BSDC1: variants seen among roughly 807,000 people sequenced by gnomAD.
The protein encoded by BSDC1 is BSD domain containing 1.
In BSDC1, 29 loss-of-function variants were observed where a neutral mutation model predicts 56.0. That is an observed-to-expected ratio of 0.52 (90% CI 0.39 to 0.71). The LOEUF (loss-of-function observed/expected upper bound fraction) is 0.71. BSDC1 is among the 30% of genes least tolerant of loss of function. BSDC1 has a pLI of 0.00. For missense variants in BSDC1, 477 were observed against 548.5 expected, an observed-to-expected ratio of 0.87 and a Z score of 1.30; for synonymous variants, 210 against 215.3, an observed-to-expected ratio of 0.98 and a Z score of 0.21.
Position 32,394,429 on chromosome 1 carries a change from A to G in BSDC1, c.-15T>C. 1.9e-6 allele frequency: 3 copies of G among 1,614,052 alleles called. No individual in the cohort carries two copies. The highest frequency in any genetic ancestry group is 2.2e-5 in the East Asian group (1 of 44,864). On this transcript the variant is annotated 5_prime_UTR_variant, in exon 1 of 11. It removes an upstream start codon present in the reference 5' UTR. Transcript: ENST00000455895. ...CCTTCCGCCATCTTGCCTGCATGACATCACCACTATTTACTGACCTTTGAC... is the reference window on the plus strand; with the variant it reads ...CCTTCCGCCATCTTGCCTGCATGACGTCACCACTATTTACTGACCTTTGAC...
chr1:32,373,447 A>G (rs1301670443), intron 9 of BSDC1, among the ~76,000 whole-genome samples: 3 of 152,130 alleles, frequency 2.0e-5, no homozygotes, highest in South Asian at 4.1e-4. Flanking sequence ...CTGTTTCACT[A>G]TCCCTCATTC....
Position 32,381,251 on chromosome 1 carries a change from C to A in BSDC1, c.375G>T (p.Leu125=). The change falls in exon 5 of 11, where the codon CTG becomes CTT. Residue 125 remains leucine, a synonymous_variant. Transcript: ENST00000455895. ...TACAGTAGGTTGCTGGGTCCGACTG[C>A]AGGCTATAGAGGCGAGCCTGTAAGA... ...YDGTKARLYS[L]QSDPATYCNE... The A allele has an allele frequency of 1.9e-6, 3 of 1,613,676 alleles. No homozygotes were observed. In the South Asian group the frequency reaches 3.3e-5, roughly 18 times the overall value.
chr1:32,378,849 G>A lies in BSDC1; in HGVS notation c.413-10C>T, dbSNP rs888465774. On this transcript the variant is annotated splice_polypyrimidine_tract_variant and intron_variant, in intron 5 of 10. Coordinates refer to ENST00000455895, the MANE Select transcript of BSDC1 (RefSeq NM_018045.8). The surrounding 1 kb of genome is among the most constrained non-coding windows in gnomAD (Gnocchi z 5.2). ...AACAATTCCGGGGGCCCTGCAGAGG[G>A]ACAGATGCTGACGGTCAGTTGCCTT... The A allele has an allele frequency of 1.4e-6, 2 of 1,469,370 alleles. No homozygotes were observed. The highest frequency in any genetic ancestry group is 1.8e-6 in the Non-Finnish European group (2 of 1,104,854). The allele number at this position is 1,469,370 out of a possible 1,614,324, so 91.0% of individuals were successfully genotyped here. A position where few individuals can be genotyped will look rare whatever the true frequency, so the allele number is the denominator to read the frequency against.
At chr1:32,369,196 T>G in intron 9 of BSDC1, 2 of 1,182,194 alleles carry the variant, frequency 1.7e-6, no homozygotes, top group Non-Finnish European at 2.2e-6. Flanking sequence ...GGAGAAGAAC[T>G]TCACATCCAT....
At chr1:32,387,877 G>A (rs963039461) in intron 2 of BSDC1, among the ~76,000 whole-genome samples, 3 of 152,080 alleles carry the variant, frequency 2.0e-5, no homozygotes, top group African/African-American at 7.2e-5. Flanking sequence ...AGGAGGAAGC[G>A]GTCAAGAGAA....
chr1:32,370,868 C>T (rs1003238908), intron 9 of BSDC1, among the ~76,000 whole-genome samples: 3 of 148,070 alleles, frequency 2.0e-5, no homozygotes, highest in Admixed American at 6.8e-5. Context: ...TACATACTGT[C>T]TATGGCTGCT....
chr1:32,367,494 T>G (rs1641895122), intron 10 of BSDC1: 3 of 985,274 alleles, frequency 3.0e-6, no homozygotes, highest in South Asian at 9.4e-5. Context: ...TTCACATGTC[T>G]CTCTAATCTG....
intron 9 of BSDC1, among the ~76,000 whole-genome samples, chr1:32,375,347 TG>T (rs1355561548): frequency 6.7e-6 from 1 of 150,316 alleles, no homozygotes; most frequent in African/African-American, 2.5e-5. Flanking sequence ...CCTTACCTGC[TG>T]GGCAAGCTTT....
At chr1:32,375,905 T>A (rs1408373570) in intron 9 of BSDC1, among the ~76,000 whole-genome samples, 1 of 152,232 alleles carries the variant, frequency 6.6e-6, no homozygotes, top group Non-Finnish European at 1.5e-5. Flanking sequence ...CCTGGCCATG[T>A]GAACTTGGGC....
chr1:32,371,319 T>TA (rs1403089238), intron 9 of BSDC1, among the ~76,000 whole-genome samples: 1 of 147,426 alleles, frequency 6.8e-6, no homozygotes, highest in African/African-American at 2.5e-5. Flanking sequence ...TTTTTTTTTT[T>TA]TTTTTTTATT....
At position 32,364,835 on chromosome 1, in the gene BSDC1, G is replaced by A. The variant is rs141475366; in HGVS notation, c.*1787C>T. Among the ~76,000 whole-genome samples, 56 of 152,358 alleles carry A rather than the reference G, an allele frequency of 3.7e-4. No homozygotes were observed. Among genetic ancestry groups the A allele is most frequent in the South Asian group, 1.2e-3 (6 of 4,832 alleles). On this transcript the variant is annotated 3_prime_UTR_variant, in exon 11 of 11. Coordinates refer to ENST00000455895, the MANE Select transcript of BSDC1 (RefSeq NM_018045.8). ...ATAAAAATGACCAAGAGCAACTGAA[G>A]CCATTCTTGTTGCAACTTCCTTTCC...
At chr1:32,383,302 T>C (rs1306705626) in intron 4 of BSDC1, among the ~76,000 whole-genome samples, 1 of 151,708 alleles carries the variant, frequency 6.6e-6, no homozygotes, top group Non-Finnish European at 1.5e-5. Context: ...TTTAAATTAG[T>C]TGGGTGTGGT....
intron 9 of BSDC1, chr1:32,369,484 G>C (rs1641989047): frequency 3.0e-6 from 1 of 328,132 alleles, no homozygotes; most frequent in Non-Finnish European, 5.9e-6. Flanking sequence ...AGTCCAGCCT[G>C]TTGACAGTGC....
intron 5 of BSDC1, among the ~76,000 whole-genome samples, chr1:32,379,632 C>T (rs2148125864): frequency 6.6e-6 from 1 of 152,304 alleles, no homozygotes; most frequent in South Asian, 2.1e-4. Context: ...TGCTCTGTCA[C>T]CAGGCTGGAG....
At position 32,378,389 on chromosome 1, in the gene BSDC1, T is replaced by A; in HGVS notation, c.529-106A>T. On this transcript the variant is annotated intron_variant, in intron 6 of 10. Coordinates refer to ENST00000455895, the MANE Select transcript of BSDC1 (RefSeq NM_018045.8). The surrounding 1 kb of genome is among the most constrained non-coding windows in gnomAD (Gnocchi z 5.2). Reference sequence around the variant, plus strand: ...CAGCCAGTCTGGATTTCAGACCCAGTAAGTGGCTTAGCAGTGACAGTCAGA... The same window carrying A: ...CAGCCAGTCTGGATTTCAGACCCAGAAAGTGGCTTAGCAGTGACAGTCAGA... 1 of 1,126,936 alleles carries A rather than the reference T, an allele frequency of 8.9e-7. No individual in the cohort carries two copies. Among genetic ancestry groups the A allele is most frequent in the Non-Finnish European group, 1.3e-6 (1 of 757,678 alleles). 69.8% of individuals were successfully genotyped at this position (1,126,936 alleles called of 1,614,324 possible).
chr1:32,394,421 T>G lies in BSDC1; in HGVS notation c.-7A>C. 1 of 1,614,176 alleles carries G rather than the reference T, an allele frequency of 6.2e-7. No individual in the cohort carries two copies. The highest frequency in any genetic ancestry group is 8.5e-7 in the Non-Finnish European group (1 of 1,180,030). ...AAGCTCACCCTTCCGCCATCTTGCC[T>G]GCATGACATCACCACTATTTACTGA... On this transcript the variant is annotated 5_prime_UTR_variant, in exon 1 of 11. Transcript: ENST00000455895.
chr1:32,368,475 GC>G lies in BSDC1; in HGVS notation c.1231del (p.Ala411HisfsTer14). ...CCCGGAGGCATCCACTTTGGAAAGTGCCATCTGCACCTCCTCTTCAGTCATG... is the reference window on the plus strand; with the variant it reads ...CCCGGAGGCATCCACTTTGGAAAGTGCATCTGCACCTCCTCTTCAGTCATG... Reference protein sequence around the residue: ...LDMTEEEVQMALSKVDASGEL... With the variant: ...LDMTEEEVQMXLSKVDASGEL... On this transcript the variant is annotated frameshift_variant, in exon 10 of 11. Transcript: ENST00000455895. LOFTEE classifies it high-confidence loss of function. The G allele has an allele frequency of 6.2e-7, 1 of 1,614,136 alleles. No homozygotes were observed. Among genetic ancestry groups the G allele is most frequent in the Non-Finnish European group, 8.5e-7 (1 of 1,180,012 alleles).
At chr1:32,386,943 C>T (rs1642693591) in intron 2 of BSDC1, 48 bp from the exon 3 acceptor site, 1 of 1,459,926 alleles carries the variant, frequency 6.8e-7, no homozygotes, top group Non-Finnish European at 9.6e-7. Flanking sequence ...CCCCACCACC[C>T]CTTGTTCCTG....
chr1:32,391,748 G>A (rs1028868268), intron 2 of BSDC1, among the ~76,000 whole-genome samples: 1 of 152,124 alleles, frequency 6.6e-6, no homozygotes, highest in African/African-American at 2.4e-5. Flanking sequence ...GGAGTGCTGA[G>A]AAGTGAGTGG....
Sources: allele counts gnomAD v4.1 joint callset (sites outside exome capture counted in the v4.1 genomes callset), GRCh38; gene constraint gnomAD v4.1.1; non-coding constraint Gnocchi (gnomAD v3.1); transcripts MANE v1.5; gene names NCBI Gene and HGNC (gene_info 2026-07-23, HGNC 2026-07-21).